The following NSG2 variants were observed in gnomAD, a reference collection of about 807,000 sequenced individuals.
The protein encoded by NSG2 is neuronal vesicle trafficking-associated protein 2.
A neutral mutation model predicts 16.9 loss-of-function variants in NSG2; 4 were observed. The observed-to-expected ratio is 0.24, with a 90% CI of 0.12 to 0.54. The LOEUF (loss-of-function observed/expected upper bound fraction) is 0.54. NSG2 is among the 20% of genes least tolerant of loss of function. The pLI is 0.95. For missense variants in NSG2, 179 were observed against 221.1 expected (o/e 0.81, Z 1.21); for synonymous variants, 98 against 88.7 (o/e 1.11, Z -0.59).
intron 2 of NSG2, among the ~76,000 whole-genome samples, chr5:174,058,359 A>C (rs945605250): frequency 6.6e-6 from 1 of 152,198 alleles, no homozygotes; most frequent in Non-Finnish European, 1.5e-5. Context: ...TGAACCCAAA[A>C]GGTAGAGGTT....
At chr5:174,083,253 C>T (rs1039866558) in intron 3 of NSG2, among the ~76,000 whole-genome samples, 1 of 152,214 alleles carries the variant, frequency 6.6e-6, no homozygotes, top group Non-Finnish European at 1.5e-5. Context: ...CCAGGGCCAG[C>T]GAAGGGCTAG....
At chr5:174,096,167 T>G (rs911874838) in intron 3 of NSG2, among the ~76,000 whole-genome samples, 9 of 152,202 alleles carry the variant, frequency 5.9e-5, no homozygotes, top group African/African-American at 1.9e-4. Flanking sequence ...GCACAATCAG[T>G]GCCTAGTAAA....
At chr5:174,053,896 T>A (rs899365572) in intron 2 of NSG2, among the ~76,000 whole-genome samples, 2 of 152,240 alleles carry the variant, frequency 1.3e-5, no homozygotes, top group African/African-American at 2.4e-5. Flanking sequence ...TTTGACATTG[T>A]CTGTACAATG....
intron 3 of NSG2, among the ~76,000 whole-genome samples, chr5:174,085,575 G>T (rs1760596064): frequency 6.6e-6 from 1 of 152,160 alleles, no homozygotes; most frequent in Non-Finnish European, 1.5e-5. Flanking sequence ...AAGCCCATTT[G>T]CCTGCATTTT....
At chr5:174,096,534 C>T (rs1302871189) in intron 3 of NSG2, among the ~76,000 whole-genome samples, 1 of 152,084 alleles carries the variant, frequency 6.6e-6, no homozygotes, top group Non-Finnish European at 1.5e-5. Flanking sequence ...CTCTGGCAGA[C>T]AAGAGATGAG....
At chr5:174,086,639 G>C (rs1451597695) in intron 3 of NSG2, 1 of 152,172 alleles carries the variant, frequency 6.6e-6, no homozygotes, top group Non-Finnish European at 1.5e-5. Context: ...TAGGTAAACA[G>C]GTTTCCATCT....
intron 3 of NSG2, among the ~76,000 whole-genome samples, chr5:174,086,127 T>C (rs1419732629): frequency 6.6e-6 from 1 of 152,098 alleles, no homozygotes; most frequent in East Asian, 1.9e-4. Flanking sequence ...CAGGAGCCCA[T>C]GGTGCCAGCT....
chr5:174,051,591 C>T (rs1013664445), intron 2 of NSG2, among the ~76,000 whole-genome samples: 7 of 152,138 alleles, frequency 4.6e-5, no homozygotes, highest in Non-Finnish European at 1.0e-4. Context: ...ATCCATCCAT[C>T]CATCCAGCAA....
intron 3 of NSG2, among the ~76,000 whole-genome samples, chr5:174,094,933 G>C (rs1201737608): frequency 6.6e-6 from 1 of 152,234 alleles, no homozygotes; most frequent in Non-Finnish European, 1.5e-5. Flanking sequence ...TTTGGTCCCT[G>C]TCCACATGAC....
In NSG2 at chr5:174,107,700, T is replaced by C. The variant is rs1218797654; in HGVS notation, c.*195T>C. Reference sequence around the variant, plus strand: ...CTGAACCGATATTTCTTTTTGTTCCTTGGTATTGTTGATTCGTCGCCGAGT... The same window carrying C: ...CTGAACCGATATTTCTTTTTGTTCCCTGGTATTGTTGATTCGTCGCCGAGT... On this transcript the variant is annotated 3_prime_UTR_variant, in exon 5 of 5. Transcript: ENST00000303177. This position sits in a 1 kb window ranked among gnomAD's most constrained non-coding sequence, Gnocchi z 4.5. 6 of 711,092 alleles carry C rather than the reference T, an allele frequency of 8.4e-6. No individual in the cohort carries two copies. Among genetic ancestry groups the C allele is most frequent in the Non-Finnish European group, 5.1e-6 (2 of 393,890 alleles). The allele number at this position is 711,092 out of a possible 1,614,324, so 44.0% of individuals were successfully genotyped here. A position where few individuals can be genotyped will look rare whatever the true frequency, so the allele number is the denominator to read the frequency against.
rs1759785721 is a variant in NSG2, at chr5:174,045,797, C to T, written c.-69C>T. 1 of 152,432 alleles carries T rather than the reference C, an allele frequency of 6.6e-6. No homozygotes were observed. Among genetic ancestry groups the T allele is most frequent in the South Asian group, 2.1e-4 (1 of 4,834 alleles). 9.4% of individuals were successfully genotyped at this position (152,432 alleles called of 1,614,324 possible). Reference sequence around the variant, plus strand: ...GAGGACTCCTGGCCGTCCTCCTCCTCTTCAAATTGGCTTGAATCTGCTCTG... The same window carrying T: ...GAGGACTCCTGGCCGTCCTCCTCCTTTTCAAATTGGCTTGAATCTGCTCTG... On this transcript the variant is annotated 5_prime_UTR_variant, in exon 1 of 5. Transcript: ENST00000303177.
intron 2 of NSG2, chr5:174,056,632 G>C (rs553575227): frequency 6.6e-6 from 1 of 152,368 alleles, no homozygotes; most frequent in South Asian, 2.1e-4. Flanking sequence ...GCTCACAGTA[G>C]GGATTCAGTG....
At chr5:174,055,649 T>C (rs547280915) in intron 2 of NSG2, among the ~76,000 whole-genome samples, 14 of 152,286 alleles carry the variant, frequency 9.2e-5, no homozygotes, top group Admixed American at 6.5e-4. Flanking sequence ...TATAGATTTA[T>C]TGAGGCAGAT....
intron 3 of NSG2, among the ~76,000 whole-genome samples, chr5:174,096,424 A>G (rs1760794922): frequency 6.6e-6 from 1 of 152,106 alleles, no homozygotes; most frequent in African/African-American, 2.4e-5. Context: ...CAGCAGCTGC[A>G]AGATCATGGG....
chr5:174,064,384 G>A (rs960350054), intron 3 of NSG2, 69 bp downstream of exon 3: 14 of 1,052,482 alleles, frequency 1.3e-5, no homozygotes, highest in African/African-American at 9.4e-5. Flanking sequence ...AGCACACCTC[G>A]TGCTTGGAGC....
intron 3 of NSG2, chr5:174,066,363 C>T (rs1760139860): frequency 2.3e-6 from 1 of 429,010 alleles, no homozygotes; most frequent in African/African-American, 2.0e-5. Context: ...ATTTACCTGC[C>T]TTCCTGGCAA....
At chr5:174,057,546 T>A (rs1445740136) in intron 2 of NSG2, among the ~76,000 whole-genome samples, 1 of 152,226 alleles carries the variant, frequency 6.6e-6, no homozygotes, top group Non-Finnish European at 1.5e-5. Context: ...TAGGGTTGTA[T>A]TTTCCCTGCT....
intron 3 of NSG2, among the ~76,000 whole-genome samples, chr5:174,071,574 G>T (rs1760242545): frequency 6.6e-6 from 1 of 152,214 alleles, no homozygotes; most frequent in Admixed American, 6.5e-5. Context: ...CCCAGTTGCA[G>T]TTTCAGGCTA....
chr5:174,047,093 A>G (rs934242386), intron 2 of NSG2, among the ~76,000 whole-genome samples: 1 of 152,124 alleles, frequency 6.6e-6, no homozygotes, highest in Non-Finnish European at 1.5e-5. Flanking sequence ...TTTTTTGTTC[A>G]TATCTGCATA....
Sources: allele counts gnomAD v4.1 joint callset (sites outside exome capture counted in the v4.1 genomes callset), GRCh38; gene constraint gnomAD v4.1.1; non-coding constraint Gnocchi (gnomAD v3.1); transcripts MANE v1.5; gene names NCBI Gene and HGNC (gene_info 2026-07-23, HGNC 2026-07-21).